FBXO4: variants seen among roughly 807,000 people sequenced by gnomAD.
FBXO4 encodes F-box only protein 4.
Under a neutral mutation model 43.7 loss-of-function variants are expected in FBXO4, and 36 were observed. The ratio of observed to expected loss-of-function variants is 0.82; its 90% confidence interval spans 0.63 to 1.09. The LOEUF (loss-of-function observed/expected upper bound fraction) is 1.09. Among genes scored for constraint, FBXO4 ranks in the 50% least tolerant of loss-of-function variants. The probability of loss-of-function intolerance (pLI) is 0.00; values close to 1 mark genes in which losing one functional copy is unlikely to be tolerated. For missense variants in FBXO4, 435 were observed against 474.1 expected (o/e 0.92, Z 0.77); for synonymous variants, 180 against 165.6 (o/e 1.09, Z -0.67).
chr5:41,930,209 T>G (rs1448833174), intron 3 of FBXO4: 7 of 278,076 alleles, frequency 2.5e-5, no homozygotes, highest in Admixed American at 4.8e-5. Context: ...TTATCATGTT[T>G]GAAAAAGCAG....
chr5:41,941,140 A>G (rs368508641), intron 6 of FBXO4, 52 bp from the exon 7 acceptor site: 215 of 1,443,908 alleles, frequency 1.5e-4, no homozygotes, highest in Non-Finnish European at 1.8e-4. Context: ...CCTACTCATA[A>G]GATTTTGGAC....
intron 5 of FBXO4, chr5:41,934,657 T>G: frequency 9.1e-7 from 1 of 1,094,844 alleles, no homozygotes; most frequent in South Asian, 3.3e-5. Flanking sequence ...TGCTTTATGC[T>G]TCTGCATTTT....
chr5:41,974,984 T>C, the FBXO4 span, among the ~76,000 whole-genome samples: 1 of 152,178 alleles, frequency 6.6e-6, no homozygotes, highest in Non-Finnish European at 1.5e-5. Context: ...TGAAGTGTGT[T>C]TCTGCTATGG....
chr5:41,999,523 A>ATG, the FBXO4 span, among the ~76,000 whole-genome samples: 16 of 109,306 alleles, frequency 1.5e-4, 1 homozygote, highest in South Asian at 5.0e-4. Context: ...ATATATATAT[A>ATG]CATATATATA....
chr5:41,926,675 C>G (rs1751513491), intron 1 of FBXO4, among the ~76,000 whole-genome samples: 1 of 152,184 alleles, frequency 6.6e-6, no homozygotes, highest in African/African-American at 2.4e-5. Flanking sequence ...ATTTCCTTAA[C>G]TAATTTATGT....
chr5:41,962,150 G>T, the FBXO4 span, among the ~76,000 whole-genome samples: 2 of 152,122 alleles, frequency 1.3e-5, no homozygotes, highest in Non-Finnish European at 2.9e-5. Flanking sequence ...CTGCCATTTT[G>T]ATTATGTTTT....
the FBXO4 span, among the ~76,000 whole-genome samples, chr5:41,982,721 T>C: frequency 6.6e-6 from 1 of 152,038 alleles, no homozygotes; most frequent in East Asian, 1.9e-4. Context: ...TTATGTATTT[T>C]ATTATTATTA....
the FBXO4 span, among the ~76,000 whole-genome samples, chr5:41,984,171 T>A: frequency 6.6e-6 from 1 of 152,234 alleles, no homozygotes; most frequent in Non-Finnish European, 1.5e-5. Context: ...GCATTTTTAA[T>A]AGTTTCTAAC....
chr5:41,940,171 C>A (rs903421369), intron 6 of FBXO4, among the ~76,000 whole-genome samples: 3 of 150,642 alleles, frequency 2.0e-5, no homozygotes, highest in Admixed American at 2.0e-4. Flanking sequence ...TTTTTAGATG[C>A]CACTATTATG....
chr5:41,934,653 A>ATGCTTCTGCATTTT (rs1237496145), intron 5 of FBXO4: 1 of 1,099,850 alleles, frequency 9.1e-7, no homozygotes, highest in African/African-American at 1.6e-5. Flanking sequence ...TTTTTGCTTT[A>ATGCTTCTGCATTTT]TGCTTCTGCA....
the FBXO4 span, among the ~76,000 whole-genome samples, chr5:41,953,185 C>T: frequency 1.1e-4 from 16 of 151,658 alleles, no homozygotes; most frequent in South Asian, 2.1e-4. Context: ...TGTGATATTC[C>T]CCTTCCTGTG....
the FBXO4 span, among the ~76,000 whole-genome samples, chr5:41,988,963 A>C: frequency 6.6e-6 from 1 of 152,208 alleles, no homozygotes; most frequent in South Asian, 2.1e-4. Flanking sequence ...AAATGACAGA[A>C]TTCACTTTCC....
the FBXO4 span, among the ~76,000 whole-genome samples, chr5:42,005,900 A>G: frequency 2.8e-4 from 43 of 152,152 alleles, no homozygotes; most frequent in African/African-American, 9.9e-4. Flanking sequence ...GCTATTGCCT[A>G]TCAGTAACTT....
the FBXO4 span, among the ~76,000 whole-genome samples, chr5:41,985,325 C>T: frequency 6.6e-6 from 1 of 152,096 alleles, no homozygotes; most frequent in Non-Finnish European, 1.5e-5. Flanking sequence ...TGAATATTTT[C>T]AGGCAATATG....
the FBXO4 span, among the ~76,000 whole-genome samples, chr5:42,011,680 A>T: frequency 3.3e-5 from 5 of 152,106 alleles, no homozygotes; most frequent in African/African-American, 9.7e-5. Flanking sequence ...GTTTAGGATA[A>T]CTCTAAGGAA....
At chr5:41,945,566 A>G (rs1752065911), downstream of FBXO4, among the ~76,000 whole-genome samples, 2 of 152,208 alleles carry the variant, frequency 1.3e-5, no homozygotes, top group Admixed American at 6.5e-5. Flanking sequence ...CCCCCTGCAG[A>G]GAGCCTATGA....
At chr5:41,932,489 C>T (rs941804611) in intron 3 of FBXO4, among the ~76,000 whole-genome samples, 9 of 152,062 alleles carry the variant, frequency 5.9e-5, no homozygotes, top group African/African-American at 2.2e-4. Flanking sequence ...TATGGCATAG[C>T]TTATTTAAAC....
chr5:42,031,259 C>T, the FBXO4 span, among the ~76,000 whole-genome samples: 2,436 of 152,164 alleles, frequency 0.016, 121 homozygotes, highest in East Asian at 0.1. Flanking sequence ...ACATATACAC[C>T]ATGGAATACT....
chr5:41,929,897 T>A lies in FBXO4; in HGVS notation c.626T>A (p.Leu209Ter). Residue 209 changes from leucine (L) to a stop codon, truncating the protein, a stop_gained, in exon 3 of 7, where the codon TTG (leucine) becomes TAG (stop). Transcript: ENST00000281623. LOFTEE classifies it high-confidence loss of function. ...SSEELCPTAGLPQRQIDGIGS... is the reference protein window; with the variant it reads ...SSEELCPTAG Reference sequence around the variant, plus strand: ...GAGGAACTTTGCCCAACAGCTGGTTTGCCTCAGAGGCAGATTGATGGTAAT... The same window carrying A: ...GAGGAACTTTGCCCAACAGCTGGTTAGCCTCAGAGGCAGATTGATGGTAAT... 1 of 1,612,858 alleles carries A rather than the reference T, an allele frequency of 6.2e-7. No homozygotes were observed. Among genetic ancestry groups the A allele is most frequent in the Non-Finnish European group, 8.5e-7 (1 of 1,179,668 alleles).
Sources: gnomAD v4.1 joint callset for allele counts (sites outside exome capture counted in the v4.1 genomes callset) on GRCh38, gnomAD v4.1.1 for gene constraint, MANE v1.5 for transcripts, NCBI Gene and HGNC (gene_info 2026-07-23, HGNC 2026-07-21) for gene names.